The following MMP3 variants were observed in gnomAD, a reference collection of about 807,000 sequenced individuals.
MMP3 encodes the protein matrix metallopeptidase 3, also known as stromelysin-1.
MMP3 carries 46 observed loss-of-function variants against 47.3 expected under a neutral mutation model. That is an observed-to-expected ratio of 0.97 (90% CI 0.77 to 1.24). The LOEUF is 1.24. Among genes scored for constraint, MMP3 ranks in the 50% most tolerant of loss-of-function variants. MMP3 has a pLI of 0.00. For missense variants in MMP3, 558 were observed against 565.5 expected (o/e 0.99, Z 0.13); for synonymous variants, 216 against 206.5 (o/e 1.05, Z -0.39).
At position 102,842,834 on chromosome 11, in the gene MMP3, T is replaced by A; in HGVS notation, c.188A>T (p.Lys63Ile). The A allele has an allele frequency of 6.2e-7, 1 of 1,613,858 alleles. No homozygotes were observed. The highest frequency in any genetic ancestry group is 8.5e-7 in the Non-Finnish European group (1 of 1,179,906). Residue 63 changes from lysine (K) to isoleucine (I), a missense_variant, in exon 2 of 10, where the codon AAA becomes ATA. Physicochemically the swap from Lys to Ile is moderately radical, Grantham distance 102. Coordinates refer to ENST00000299855, the MANE Select transcript of MMP3 (RefSeq NM_002422.5). ...RRKDSGPVVK[K>I]IREMQKFLGL... Reference sequence around the variant, plus strand: ...AAGGAACTTCTGCATTTCTCGGATTTTTTTAACAACAGGACCACTGTCCTT... The same window carrying A: ...AAGGAACTTCTGCATTTCTCGGATTATTTTAACAACAGGACCACTGTCCTT...
chr11:102,839,664 G>C (rs797039593), intron 6 of MMP3, among the ~76,000 whole-genome samples: 54 of 152,290 alleles, frequency 3.5e-4, no homozygotes, highest in African/African-American at 1.2e-3. Flanking sequence ...CTTGACTCTG[G>C]ATGAGTACAG....
Position 102,840,591 on chromosome 11 carries a change from T to A in MMP3, c.628A>T (p.Thr210Ser), listed in dbSNP as rs1358457873. Residue 210 changes from threonine to serine, a missense_variant and splice_region_variant, in exon 5 of 10, where the codon ACC becomes TCC. Physicochemically the swap from Thr to Ser is moderately conservative, Grantham distance 58. Coordinates refer to ENST00000299855, the MANE Select transcript of MMP3 (RefSeq NM_002422.5). ...DEQWTKDTTGTNLFLVAAHEI... is the reference protein window; with the variant it reads ...DEQWTKDTTGSNLFLVAAHEI... ...TGAGCAGCAACGAGAAATAAATTGG[T>A]CCCTATTTAAGAAATTGAGAACAAT... 1 of 1,613,494 alleles carries A rather than the reference T, an allele frequency of 6.2e-7. No homozygotes were observed. Among genetic ancestry groups the A allele is most frequent in the Non-Finnish European group, 8.5e-7 (1 of 1,179,836 alleles).
In MMP3 at chr11:102,840,622, C is replaced by T. The variant is rs782297900; in HGVS notation, c.626-29G>A. ...TTTAAGAAATTGAGAACAATAGTTA[C>T]TTATTTTTTAAATACATGTGCATTA... On this transcript the variant is annotated intron_variant, in intron 4 of 9. Coordinates refer to ENST00000299855, the MANE Select transcript of MMP3 (RefSeq NM_002422.5). 6.2e-6 allele frequency: 10 copies of T among 1,609,020 alleles called. 2 individuals carry two copies. The Middle Eastern group carries it at 1.8e-3, about 282-fold the overall frequency.
At chr11:102,838,426 T>C in intron 8 of MMP3, 125 bp downstream of exon 8, 1 of 1,036,570 alleles carries the variant, frequency 9.6e-7, no homozygotes. Context: ...CCCACAGTTG[T>C]CTGAAGTCCC....
chr11:102,843,502 G>A lies in MMP3; in HGVS notation c.45C>T (p.Cys15=). 6.2e-7 allele frequency: 1 copy of A among 1,613,692 alleles called. No individual in the cohort carries two copies. Among genetic ancestry groups the A allele is most frequent in the Admixed American group, 1.7e-5 (1 of 59,954 alleles). ...PILLLLCVAV[C]SAYPLDGAAR... ...CAGCTCCATCCAATGGATAGGCTGA[G>A]CAAACTGCCACGCACAGCAACAGTA... The change falls in exon 1 of 10, where the codon TGC becomes TGT. Residue 15 remains cysteine (C), a synonymous_variant. Coordinates refer to ENST00000299855, the MANE Select transcript of MMP3 (RefSeq NM_002422.5).
chr11:102,842,101 T>A, intron 4 of MMP3, 53 bp downstream of exon 4: 1 of 1,475,348 alleles, frequency 6.8e-7, no homozygotes, highest in Admixed American at 2.2e-5. Flanking sequence ...TTAACAGATT[T>A]CTACATATAA....
Position 102,835,997 on chromosome 11 carries a change from A to G in MMP3, c.*129T>C, listed in dbSNP as rs111831866. 16 of 680,716 alleles carry G rather than the reference A, an allele frequency of 2.4e-5. No homozygotes were observed. Among genetic ancestry groups the G allele is most frequent in the East Asian group, 7.7e-5 (3 of 39,132 alleles). 42.2% of individuals were successfully genotyped at this position (680,716 alleles called of 1,614,324 possible). A position where few individuals can be genotyped will look rare whatever the true frequency, so the allele number is the denominator to read the frequency against. On this transcript the variant is annotated 3_prime_UTR_variant, in exon 10 of 10. Transcript: ENST00000299855. ...CCGGCAAGATACAGATTCACGCTCAAGTTCCCTTGAGTGTGACTCGAGTCA... is the reference window on the plus strand; with the variant it reads ...CCGGCAAGATACAGATTCACGCTCAGGTTCCCTTGAGTGTGACTCGAGTCA...
chr11:102,837,225 A>T lies in MMP3; in HGVS notation c.1333+73T>A. On this transcript the variant is annotated intron_variant, in intron 9 of 9. Transcript: ENST00000299855. The surrounding 1 kb of genome is among the most constrained non-coding windows in gnomAD (Gnocchi z 4.4). ...GAAACACTTGTTATTAAAAAGTTTC[A>T]ATGCTCCTCTTCCCTCTGATATCAT... The T allele has an allele frequency of 8.4e-7, 1 of 1,193,798 alleles. No individual in the cohort carries two copies. Among genetic ancestry groups the T allele is most frequent in the Non-Finnish European group, 1.2e-6 (1 of 815,434 alleles). 74.0% of individuals were successfully genotyped at this position (1,193,798 alleles called of 1,614,324 possible). A position where few individuals can be genotyped will look rare whatever the true frequency, so the allele number is the denominator to read the frequency against.
At position 102,837,654 on chromosome 11, in the gene MMP3, A is replaced by G. The variant is rs1380238651; in HGVS notation, c.1230-253T>C. ...ATGCTGTTTGTCATCATATTTCTTA[A>G]GCCTGGACAGAAAGAACCTTAATCA... On this transcript the variant is annotated intron_variant, in intron 8 of 9. Transcript: ENST00000299855. This position sits in a 1 kb window ranked among gnomAD's most constrained non-coding sequence, Gnocchi z 4.4. Among the ~76,000 whole-genome samples the G allele has an allele frequency of 6.6e-6, 1 of 152,150 alleles. No individual in the cohort carries two copies. Among genetic ancestry groups the G allele is most frequent in the Non-Finnish European group, 1.5e-5 (1 of 68,042 alleles).
Position 102,838,615 on chromosome 11 carries a change from C to T in MMP3, c.1165G>A (p.Asp389Asn), listed in dbSNP as rs1555004939. Residue 389 changes from aspartate to asparagine, a missense_variant, in exon 8 of 10, where the codon GAT (aspartate) becomes AAT (asparagine). Transcript: ENST00000299855. Reference sequence around the variant, plus strand: ...TTTTCCTTATCAGAAATGGCTGCATCGATTTTCCTCACGGTTGGAGGGAAA... The same window carrying T: ...TTTTCCTTATCAGAAATGGCTGCATTGATTTTCCTCACGGTTGGAGGGAAA... ...LGFPPTVRKI[D>N]AAISDKEKNK... The T allele has an allele frequency of 4.3e-6, 7 of 1,613,444 alleles. No homozygotes were observed. The South Asian group carries it at 4.4e-5, about 10-fold the overall frequency.
Position 102,837,167 on chromosome 11 carries a change from G to A in MMP3, c.1333+131C>T, listed in dbSNP as rs1448390636. ...TTCTATAATGAGTACAAATGTAGGC[G>A]AATCAAAATTTTGAGAAGGGAACTG... On this transcript the variant is annotated intron_variant, in intron 9 of 9. Transcript: ENST00000299855. This position sits in a 1 kb window ranked among gnomAD's most constrained non-coding sequence, Gnocchi z 4.4. 14 of 647,460 alleles carry A rather than the reference G, an allele frequency of 2.2e-5. No individual in the cohort carries two copies. Among genetic ancestry groups the A allele is most frequent in the Admixed American group, 8.4e-5 (3 of 35,546 alleles). The allele number at this position is 647,460 out of a possible 1,614,324, so 40.1% of individuals were successfully genotyped here.
intron 4 of MMP3, among the ~76,000 whole-genome samples, chr11:102,841,712 G>GA (rs34093618): frequency 0.28 from 34,072 of 122,000 alleles, 4,229 homozygotes; most frequent in South Asian, 0.44. Flanking sequence ...GCCTCAGCCA[G>GA]AAAAAAAAAA....
Position 102,839,059 on chromosome 11 carries a change from T to A in MMP3, c.1069+51A>T, listed in dbSNP as rs782003019. 2.5e-6 allele frequency: 4 copies of A among 1,584,102 alleles called. No homozygotes were observed. The East Asian group carries it at 6.7e-5, about 27-fold the overall frequency. Reference sequence around the variant, plus strand: ...AAAATTAAAGTGTTGTTCAATTTCTTATGAGAGGGTTTACTTTGGCAAGTT... The same window carrying A: ...AAAATTAAAGTGTTGTTCAATTTCTAATGAGAGGGTTTACTTTGGCAAGTT... On this transcript the variant is annotated intron_variant, in intron 7 of 9. Coordinates refer to ENST00000299855, the MANE Select transcript of MMP3 (RefSeq NM_002422.5).
chr11:102,842,873 T>G lies in MMP3; in HGVS notation c.149A>C (p.Gln50Pro), dbSNP rs370164016. 7.6e-5 allele frequency: 123 copies of G among 1,612,748 alleles called. No homozygotes were observed. Among genetic ancestry groups the G allele is most frequent in the Non-Finnish European group, 1.0e-4 (122 of 1,179,190 alleles). ...ACCACTGTCCTTTCTCCTAACAAAC[T>G]GTTTCACATCTTTTTTGAGGTCGTA... ...NYYDLKKDVK[Q>P]FVRRKDSGPV... Residue 50 changes from glutamine to proline, a missense_variant, in exon 2 of 10, where the codon CAG (glutamine) becomes CCG (proline). Physicochemically the swap from Gln to Pro is moderately conservative, Grantham distance 76. Coordinates refer to ENST00000299855, the MANE Select transcript of MMP3 (RefSeq NM_002422.5).
Position 102,842,521 on chromosome 11 carries a change from C to G in MMP3, c.409G>C (p.Ala137Pro), listed in dbSNP as rs782220811. The part of the protein sequence containing the change: ...KDAVDSAVEK[A>P]LKVWEEVTPL... The stretch of plus-strand genomic sequence containing the variant: ...GTCACCTCTTCCCAGACTTTCAGAG[C>G]TTTCTCAACAGCAGAATCAACAGCA... Residue 137 changes from alanine (A) to proline (P), a missense_variant, in exon 3 of 10, where the codon GCT becomes CCT. By Grantham distance (27) the Ala-to-Pro change is conservative. Transcript: ENST00000299855. 6.3e-7 allele frequency: 1 copy of G among 1,591,314 alleles called. No homozygotes were observed. The highest frequency in any genetic ancestry group is 8.6e-7 in the Non-Finnish European group (1 of 1,168,038).
chr11:102,842,794 C>G lies in MMP3; in HGVS notation c.228G>C (p.Thr76=). 6.2e-7 allele frequency: 1 copy of G among 1,613,894 alleles called. No individual in the cohort carries two copies. The highest frequency in any genetic ancestry group is 1.1e-5 in the South Asian group (1 of 91,068). Residue 76 remains threonine, a synonymous_variant, in exon 2 of 10, where the codon ACG becomes ACC. Transcript: ENST00000299855. ...CCAGAGTGTCGGAGTCCAGCTTCCCCGTCACCTCCAATCCAAGGAACTTCT... is the reference window on the plus strand; with the variant it reads ...CCAGAGTGTCGGAGTCCAGCTTCCCGGTCACCTCCAATCCAAGGAACTTCT... ...EMQKFLGLEV[T]GKLDSDTLEV...
In MMP3 at chr11:102,836,514, C is replaced by A. The variant is rs918760553; in HGVS notation, c.1334-288G>T. The A allele has an allele frequency of 9.5e-6, 5 of 526,528 alleles. No homozygotes were observed. The African/African-American group carries it at 9.6e-5, about 10-fold the overall frequency. 32.6% of individuals were successfully genotyped at this position (526,528 alleles called of 1,614,324 possible). ...AGCAAGGAAGAATGGAGACAGCACTCGGTGCCAGCTCTGTCTGAAAACACA... is the reference window on the plus strand; with the variant it reads ...AGCAAGGAAGAATGGAGACAGCACTAGGTGCCAGCTCTGTCTGAAAACACA... On this transcript the variant is annotated intron_variant, in intron 9 of 9. Coordinates refer to ENST00000299855, the MANE Select transcript of MMP3 (RefSeq NM_002422.5). This position sits in a 1 kb window ranked among gnomAD's most constrained non-coding sequence, Gnocchi z 4.6.
At position 102,840,122 on chromosome 11, in the gene MMP3, C is replaced by A. The variant is rs267602670; in HGVS notation, c.921G>T (p.Leu307=). The change falls in exon 6 of 10, where the codon CTG becomes CTT. Residue 307 remains leucine (L), a synonymous_variant. Transcript: ENST00000299855. ...TTCAGCCTGACCTGTCTTTAAAGAT[C>A]AGGATTTCTCCCCTCAGAGTGCTGA... ...DAVSTLRGEI[L]IFKDRHFWRK... 1 of 1,612,620 alleles carries A rather than the reference C, an allele frequency of 6.2e-7. No homozygotes were observed.
At chr11:102,840,077 A>G (rs1459384512) in intron 6 of MMP3, 31 bp downstream of exon 6, 34 of 1,587,694 alleles carry the variant, frequency 2.1e-5, no homozygotes, top group Non-Finnish European at 2.8e-5. Flanking sequence ...GTAGATTAAA[A>G]TGGTAGGAAA....
Sources: allele counts gnomAD v4.1 joint callset (sites outside exome capture counted in the v4.1 genomes callset), GRCh38; gene constraint gnomAD v4.1.1; non-coding constraint Gnocchi (gnomAD v3.1); transcripts MANE v1.5; gene names NCBI Gene and HGNC (gene_info 2026-07-23, HGNC 2026-07-21).